Variants in AFDN observed in about 807,000 individuals in gnomAD.
AFDN encodes the protein afadin, adherens junction formation factor.
AFDN carries 68 observed loss-of-function variants against 216.6 expected under a neutral mutation model. The ratio of observed to expected loss-of-function variants is 0.31; its 90% confidence interval spans 0.26 to 0.38. The LOEUF (loss-of-function observed/expected upper bound fraction) is 0.38. AFDN is among the 10% of genes least tolerant of loss of function. AFDN has a pLI of 1.00. For missense variants in AFDN, 2,136 were observed against 2,342.0 expected (o/e 0.91, Z 1.82); for synonymous variants, 868 against 853.7 (o/e 1.02, Z -0.29).
chr6:167,957,800 C>T (rs1796671369), intron 30 of AFDN, among the ~76,000 whole-genome samples: 1 of 152,096 alleles, frequency 6.6e-6, no homozygotes, highest in Admixed American at 6.5e-5. Flanking sequence ...AGTAGCTAGT[C>T]CTTCCACCTG....
chr6:167,869,403 TAAAG>T (rs1364403801), intron 2 of AFDN, among the ~76,000 whole-genome samples: 1 of 152,160 alleles, frequency 6.6e-6, no homozygotes, highest in East Asian at 1.9e-4. Context: ...GACTTTAAGA[TAAAG>T]AAAGATTTGG....
intron 9 of AFDN, among the ~76,000 whole-genome samples, chr6:167,895,079 A>C (rs139969206): frequency 0.042 from 6,447 of 152,094 alleles, 199 homozygotes; most frequent in Non-Finnish European, 0.066. Context: ...TTGATTGCTA[A>C]CTATGGACCG....
intron 23 of AFDN, among the ~76,000 whole-genome samples, chr6:167,933,208 A>G (rs983648268): frequency 1.3e-5 from 2 of 152,212 alleles, no homozygotes; most frequent in Non-Finnish European, 2.9e-5. Flanking sequence ...AAAAGTACTT[A>G]GGATATTTTA....
intron 8 of AFDN, among the ~76,000 whole-genome samples, chr6:167,891,793 A>G (rs1420676359): frequency 6.6e-6 from 1 of 152,142 alleles, no homozygotes; most frequent in Non-Finnish European, 1.5e-5. Context: ...TTTCATTATT[A>G]AATGCTATTA....
intron 12 of AFDN, among the ~76,000 whole-genome samples, chr6:167,904,676 A>G (rs1789427932): frequency 6.6e-6 from 1 of 152,178 alleles, no homozygotes. Context: ...TTGCTCCAAT[A>G]GAAACCTCTT....
At chr6:167,876,028 T>G (rs1785329218) in intron 5 of AFDN, among the ~76,000 whole-genome samples, 1 of 152,234 alleles carries the variant, frequency 6.6e-6, no homozygotes, top group Non-Finnish European at 1.5e-5. Context: ...TAAATTTTCC[T>G]GATTGCCTCA....
intron 30 of AFDN, among the ~76,000 whole-genome samples, chr6:167,960,363 A>ATAAATAAATAAATAAAT (rs1796919240): frequency 6.6e-6 from 1 of 151,376 alleles, no homozygotes; most frequent in Non-Finnish European, 1.5e-5. Context: ...TTTTAAGAAG[A>ATAAATAAATAAATAAAT]AAATGCCTGT....
chr6:167,945,169 T>TTG (rs1795120925), intron 26 of AFDN, among the ~76,000 whole-genome samples: 1 of 152,068 alleles, frequency 6.6e-6, no homozygotes, highest in Non-Finnish European at 1.5e-5. Context: ...TTCTATTTTT[T>TTG]TTTTAATTTA....
rs1353639321 is a variant in AFDN, at chr6:167,962,046, G to A, written c.4834-387G>A. 6.6e-6 allele frequency among the ~76,000 whole-genome samples: 1 copy of A among 152,200 alleles called. No homozygotes were observed. The highest frequency in any genetic ancestry group is 1.5e-5 in the Non-Finnish European group (1 of 68,034). ...TAAAAAGGGAGAGGAGAAAGGAGGT[G>A]TTTCAGTGTGTTCTGCAGGTCCATC... On this transcript the variant is annotated intron_variant, in intron 30 of 33. Transcript: ENST00000683244. This position sits in a 1 kb window ranked among gnomAD's most constrained non-coding sequence, Gnocchi z 5.2.
At chr6:167,863,199 A>AT (rs1783790133) in intron 1 of AFDN, among the ~76,000 whole-genome samples, 1 of 152,238 alleles carries the variant, frequency 6.6e-6, no homozygotes, top group Admixed American at 6.5e-5. Context: ...CAGATTTCAG[A>AT]TTCTCAGATC....
At chr6:167,902,194 C>A in intron 11 of AFDN, 123 bp from the exon 12 acceptor site, 2 of 633,426 alleles carry the variant, frequency 3.2e-6, no homozygotes, top group Non-Finnish European at 5.3e-6. Context: ...GTGCTGAAAA[C>A]AGAGCAATTT....
At chr6:167,889,493 GCGCAAT>G (rs1420351046) in intron 7 of AFDN, among the ~76,000 whole-genome samples, 167 bp downstream of exon 7, 1 of 152,150 alleles carries the variant, frequency 6.6e-6, no homozygotes, top group Non-Finnish European at 1.5e-5. Context: ...GAGTGCAGTG[GCGCAAT>G]CTTGGCTCAC....
At chr6:167,861,822 T>C (rs1211530979) in intron 1 of AFDN, among the ~76,000 whole-genome samples, 1 of 152,240 alleles carries the variant, frequency 6.6e-6, no homozygotes, top group African/African-American at 2.4e-5. Context: ...GCTTTTGTAT[T>C]TCTTGTCATC....
rs761986153 is a variant in AFDN, at chr6:167,875,468, C to T, written c.712C>T (p.Arg238Trp). ...ATTGGAAAAGAGAATGCAGGAATTT[C>T]GGAGCTCAGATGGGCGGCCTGATTC... The part of the protein sequence containing the change: ...QKLEKRMQEF[R>W]SSDGRPDSGG... Residue 238 changes from arginine (R) to tryptophan (W), a missense_variant, in exon 5 of 34, where the codon CGG becomes TGG. Coordinates refer to ENST00000683244, the MANE Select transcript of AFDN (RefSeq NM_001386888.1). 6.2e-6 allele frequency: 10 copies of T among 1,613,900 alleles called. No individual in the cohort carries two copies. Among genetic ancestry groups the T allele is most frequent in the South Asian group, 1.1e-5 (1 of 91,054 alleles).
chr6:167,964,062 A>G (rs959357424), intron 31 of AFDN: 12 of 1,064,372 alleles, frequency 1.1e-5, no homozygotes, highest in Non-Finnish European at 1.3e-5. Flanking sequence ...GGACCAGGCC[A>G]TGTTTTTCCT....
chr6:167,954,072 CACTGA>C lies in AFDN; in HGVS notation c.4833+1887_4833+1891del, dbSNP rs376958109. ...CAGAGTTTTTCCAAATGGGTTAAAACACTGAATATTTCAAAGCCTTTTAGTATGAA... is the reference window on the plus strand; with the variant it reads ...CAGAGTTTTTCCAAATGGGTTAAAACATATTTCAAAGCCTTTTAGTATGAA... On this transcript the variant is annotated intron_variant, in intron 30 of 33. Transcript: ENST00000683244. Among the ~76,000 whole-genome samples, 541 of 152,280 alleles carry C rather than the reference CACTGA, an allele frequency of 3.6e-3. 3 individuals are homozygous for C. The highest frequency in any genetic ancestry group is 0.012 in the African/African-American group (508 of 41,556).
At position 167,947,003 on chromosome 6, in the gene AFDN, A is replaced by G. The variant is rs1053746217; in HGVS notation, c.3553+102A>G. On this transcript the variant is annotated intron_variant, in intron 27 of 33. Coordinates refer to ENST00000683244, the MANE Select transcript of AFDN (RefSeq NM_001386888.1). ...GTTAATTATTAAAATTATTCTCTGC[A>G]AACATTGGCTAACTAGGATATGGTT... The G allele has an allele frequency of 2.4e-5, 25 of 1,025,252 alleles. No individual in the cohort carries two copies. The African/African-American group carries it at 4.2e-4, about 17-fold the overall frequency. The allele number at this position is 1,025,252 out of a possible 1,614,324, so 63.5% of individuals were successfully genotyped here.
chr6:167,935,309 A>G (rs140490538), intron 23 of AFDN, among the ~76,000 whole-genome samples: 196 of 152,324 alleles, frequency 1.3e-3, no homozygotes, highest in African/African-American at 4.4e-3. Flanking sequence ...TACAAGATCT[A>G]AATCTTCTGC....
chr6:167,925,796 A>G lies in AFDN; in HGVS notation c.3099+705A>G, dbSNP rs139870312. Reference sequence around the variant, plus strand: ...GAGCCTCTTCCAATATGGAATCTCAATTATGTTTGCTTAGAATGAATTTTA... The same window carrying G: ...GAGCCTCTTCCAATATGGAATCTCAGTTATGTTTGCTTAGAATGAATTTTA... On this transcript the variant is annotated intron_variant, in intron 23 of 33. Transcript: ENST00000683244. Among the ~76,000 whole-genome samples, 259 of 152,290 alleles carry G rather than the reference A, an allele frequency of 1.7e-3. 1 individual carries two copies. Among genetic ancestry groups the G allele is most frequent in the African/African-American group, 5.3e-3 (222 of 41,566 alleles).
Sources: allele counts gnomAD v4.1 joint callset (sites outside exome capture counted in the v4.1 genomes callset), GRCh38; gene constraint gnomAD v4.1.1; non-coding constraint Gnocchi (gnomAD v3.1); transcripts MANE v1.5; gene names NCBI Gene and HGNC (gene_info 2026-07-23, HGNC 2026-07-21).